The following EPB41L4B variants were observed in gnomAD, a reference collection of about 807,000 sequenced individuals.
The protein encoded by EPB41L4B is erythrocyte membrane protein band 4.1 like 4B.
In EPB41L4B, 30 loss-of-function variants were observed where a neutral mutation model predicts 112.5. The observed-to-expected ratio is 0.27, with a 90% CI of 0.20 to 0.36. EPB41L4B has a LOEUF of 0.36. Ranked by LOEUF, EPB41L4B falls within the 10% of genes least tolerant of loss-of-function variation. The pLI, the probability that EPB41L4B is intolerant of heterozygous loss-of-function variation, is 1.00. For missense variants in EPB41L4B, 1,024 were observed against 1,133.3 expected (o/e 0.90, Z 1.38); for synonymous variants, 408 against 439.7 (o/e 0.93, Z 0.90).
At chr9:109,267,244 G>A (rs534299924) in intron 4 of EPB41L4B, among the ~76,000 whole-genome samples, 21 of 152,286 alleles carry the variant, frequency 1.4e-4, no homozygotes, top group African/African-American at 4.6e-4. Context: ...GAAAATAGAA[G>A]TGTGACAAGA....
At chr9:109,270,554 C>T (rs928382475) in intron 2 of EPB41L4B, among the ~76,000 whole-genome samples, 1 of 152,214 alleles carries the variant, frequency 6.6e-6, no homozygotes, top group African/African-American at 2.4e-5. Flanking sequence ...GATTTAAGCC[C>T]AATATTTACT....
chr9:109,313,442 A>G lies in EPB41L4B; in HGVS notation c.306+6699T>C, dbSNP rs531719121. Among the ~76,000 whole-genome samples, 14 of 152,332 alleles carry G rather than the reference A, an allele frequency of 9.2e-5. No homozygotes were observed. The South Asian group carries it at 2.9e-3, about 32-fold the overall frequency. On this transcript the variant is annotated intron_variant, in intron 1 of 25. Transcript: ENST00000374566. ...AGGGATTAGGGTGGTGGGGGGGCAC[A>G]CCAGGATGCTGCCCGGCTCCAGCCC...
chr9:109,279,806 C>T lies in EPB41L4B; in HGVS notation c.411+11G>A, dbSNP rs1296565309. The T allele has an allele frequency of 6.2e-7, 1 of 1,610,726 alleles. No homozygotes were observed. Among genetic ancestry groups the T allele is most frequent in the Non-Finnish European group, 8.5e-7 (1 of 1,177,522 alleles). On this transcript the variant is annotated intron_variant, in intron 2 of 25. Transcript: ENST00000374566. ...CAATCTGTTCTGAAATGAATCAAAGCAATAACCTACCGCAACCTGGGCAGA... is the reference window on the plus strand; with the variant it reads ...CAATCTGTTCTGAAATGAATCAAAGTAATAACCTACCGCAACCTGGGCAGA...
rs535716902 is a variant in EPB41L4B, at chr9:109,220,758, C to T, written c.1410-3613G>A. 1.1e-3 allele frequency among the ~76,000 whole-genome samples: 163 copies of T among 151,690 alleles called. 1 individual carries two copies. The highest frequency in any genetic ancestry group is 3.8e-3 in the African/African-American group (158 of 41,284). On this transcript the variant is annotated intron_variant, in intron 15 of 25. Transcript: ENST00000374566. ...CTGTGTGTGTGCGTGTGTGCACGTG[C>T]GTGTGTTGGTGTGTGTGAGCATATG...
chr9:109,180,840 AAGG>A (rs910194058), intron 24 of EPB41L4B, among the ~76,000 whole-genome samples: 33 of 152,268 alleles, frequency 2.2e-4, no homozygotes, highest in African/African-American at 7.9e-4. Context: ...GAGTGAGAGG[AAGG>A]AGGTGTGGAC....
intron 24 of EPB41L4B, among the ~76,000 whole-genome samples, chr9:109,179,063 G>C (rs1831956047): frequency 6.6e-6 from 1 of 152,166 alleles, no homozygotes. Context: ...GAACAAAGCA[G>C]GTAACAGAAG....
intron 1 of EPB41L4B, among the ~76,000 whole-genome samples, chr9:109,283,825 G>A (rs1047785780): frequency 6.6e-6 from 1 of 151,892 alleles, no homozygotes; most frequent in African/African-American, 2.4e-5. Flanking sequence ...GGTGGCTCAT[G>A]CCTCTAATTC....
At chr9:109,208,893 C>T (rs1007306717) in intron 17 of EPB41L4B, among the ~76,000 whole-genome samples, 22 of 152,042 alleles carry the variant, frequency 1.4e-4, no homozygotes, top group Admixed American at 7.9e-4. Flanking sequence ...ATATGGTACC[C>T]GGCACATAGT....
chr9:109,267,877 T>C (rs912832397), intron 3 of EPB41L4B, among the ~76,000 whole-genome samples: 1 of 152,222 alleles, frequency 6.6e-6, no homozygotes, highest in African/African-American at 2.4e-5. Context: ...TTTTACAAAG[T>C]ACAAAGGCTA....
intron 19 of EPB41L4B, among the ~76,000 whole-genome samples, chr9:109,202,170 A>G (rs1406295863): frequency 6.6e-6 from 1 of 152,172 alleles, no homozygotes; most frequent in Non-Finnish European, 1.5e-5. Flanking sequence ...ACCATTGACT[A>G]AGAATGGAAT....
intron 1 of EPB41L4B, chr9:109,307,214 C>T (rs1047155352): frequency 6.1e-6 from 3 of 489,396 alleles, no homozygotes; most frequent in Admixed American, 4.3e-5. Flanking sequence ...TAAAAGACAG[C>T]ATTAAATTTT....
Position 109,321,055 on chromosome 9 carries a change from G to T in EPB41L4B, c.-609C>A. On this transcript the variant is annotated 5_prime_UTR_variant, in exon 1 of 26. Coordinates refer to ENST00000374566, the MANE Select transcript of EPB41L4B (RefSeq NM_019114.5). ...GCCGCTGCCGCCGGGACTGCAGCAC[G>T]CCCTCCTCCCTCGGGGCTGCGCCGG... 5.5e-6 allele frequency: 1 copy of T among 182,566 alleles called. No homozygotes were observed. Among genetic ancestry groups the T allele is most frequent in the South Asian group, 1.3e-4 (1 of 7,988 alleles). 11.3% of individuals were successfully genotyped at this position (182,566 alleles called of 1,614,324 possible).
intron 15 of EPB41L4B, 56 bp from the exon 16 acceptor site, chr9:109,217,201 T>C: frequency 1.3e-6 from 2 of 1,538,384 alleles, no homozygotes; most frequent in South Asian, 2.2e-5. Flanking sequence ...GCAAGCCCTC[T>C]GTGTACTTTC....
chr9:109,199,198 A>G (rs1389860401), intron 20 of EPB41L4B, among the ~76,000 whole-genome samples: 1 of 152,158 alleles, frequency 6.6e-6, no homozygotes, highest in Non-Finnish European at 1.5e-5. Context: ...GTCAAAGCTC[A>G]GTGATTAGCT....
In EPB41L4B at chr9:109,213,808, T is replaced by C. The variant is rs1833269071; in HGVS notation, c.1644A>G (p.Pro548=). The C allele has an allele frequency of 1.2e-6, 2 of 1,613,976 alleles. No individual in the cohort carries two copies. Among genetic ancestry groups the C allele is most frequent in the South Asian group, 1.1e-5 (1 of 91,070 alleles). ...SSSKSLTKLS[P]GTPALFSEAA... is the part of the protein sequence containing the mutation. ...CTTCACTGAACAAGGCAGGTGTTCCTGGACTCAGTTCTACAAAGCAGCCAG... is the reference window on the plus strand; with the variant it reads ...CTTCACTGAACAAGGCAGGTGTTCCCGGACTCAGTTCTACAAAGCAGCCAG... The change falls in exon 17 of 26, where the codon CCA becomes CCG. Residue 548 remains proline, a synonymous_variant. Coordinates refer to ENST00000374566, the MANE Select transcript of EPB41L4B (RefSeq NM_019114.5).
intron 4 of EPB41L4B, among the ~76,000 whole-genome samples, chr9:109,266,968 C>CAA (rs3061574): frequency 8.7e-5 from 8 of 91,738 alleles, no homozygotes; most frequent in East Asian, 3.6e-4. Context: ...GATTTTGTTT[C>CAA]AAAAAAAAAA....
intron 24 of EPB41L4B, among the ~76,000 whole-genome samples, chr9:109,180,209 T>A (rs1295801319): frequency 6.6e-6 from 1 of 152,210 alleles, no homozygotes; most frequent in Non-Finnish European, 1.5e-5. Flanking sequence ...TTCCCTCTGC[T>A]GCTCCAGCTG....
intron 6 of EPB41L4B, among the ~76,000 whole-genome samples, chr9:109,260,173 C>T (rs1835145303): frequency 6.6e-6 from 1 of 151,980 alleles, no homozygotes; most frequent in Non-Finnish European, 1.5e-5. Context: ...TCCCCTGGCT[C>T]AGGTGATCCT....
At position 109,256,189 on chromosome 9, in the gene EPB41L4B, G is replaced by C. The variant is rs913837022; in HGVS notation, c.876C>G (p.Thr292=). The C allele has an allele frequency of 1.2e-6, 2 of 1,613,982 alleles. No individual in the cohort carries two copies. The highest frequency in any genetic ancestry group is 1.7e-6 in the Non-Finnish European group (2 of 1,180,020). Reference sequence around the variant, plus strand: ...CTTCAAAGATTAATATGCCTGTCGGGGTCAGTCCAAGAGAATATTCACAGC... The same window carrying C: ...CTTCAAAGATTAATATGCCTGTCGGCGTCAGTCCAAGAGAATATTCACAGC... ...RDGCEYSLGL[T]PTGILIFEGA... Residue 292 remains threonine, a synonymous_variant, in exon 9 of 26, where the codon ACC becomes ACG. Coordinates refer to ENST00000374566, the MANE Select transcript of EPB41L4B (RefSeq NM_019114.5).
Sources: gnomAD v4.1 joint callset for allele counts (sites outside exome capture counted in the v4.1 genomes callset) on GRCh38, gnomAD v4.1.1 for gene constraint, MANE v1.5 for transcripts, NCBI Gene and HGNC (gene_info 2026-07-23, HGNC 2026-07-21) for gene names.